The following TTC31 variants were observed in gnomAD, a reference collection of about 807,000 sequenced individuals.
TTC31 encodes tetratricopeptide repeat domain 31.
In TTC31, 59 loss-of-function variants were observed where a neutral mutation model predicts 60.4. The observed-to-expected ratio is 0.98, with a 90% confidence interval of 0.79 to 1.21. TTC31 has a LOEUF of 1.21. Ranked by LOEUF, TTC31 falls within the 50% of genes most tolerant of loss-of-function variation. The pLI is 0.00. For synonymous variants in TTC31, 225 were observed against 249.6 expected (o/e 0.90, Z 0.93); for missense variants, 672 against 646.9 (o/e 1.04, Z -0.42).
chr2:74,487,041 CAGTT>C (rs1400217260), intron 2 of TTC31, among the ~76,000 whole-genome samples: 1 of 152,166 alleles, frequency 6.6e-6, no homozygotes, highest in Non-Finnish European at 1.5e-5. Flanking sequence ...GATGGGAGCA[CAGTT>C]GGTATGTTGT....
chr2:74,491,723 G>A (rs1278728997), intron 8 of TTC31, 51 bp downstream of exon 8: 2 of 1,588,086 alleles, frequency 1.3e-6, no homozygotes, highest in East Asian at 2.3e-5. Flanking sequence ...AGGGGCACAA[G>A]GAGCTGCTGG....
chr2:74,489,021 A>T (rs1011319102), intron 2 of TTC31, among the ~76,000 whole-genome samples: 2 of 152,154 alleles, frequency 1.3e-5, no homozygotes, highest in African/African-American at 4.8e-5. Context: ...ATACCACTGC[A>T]CTCCAGCCTG....
At chr2:74,486,091 C>T (rs941569471) in intron 2 of TTC31, among the ~76,000 whole-genome samples, 38 of 152,062 alleles carry the variant, frequency 2.5e-4, no homozygotes, top group African/African-American at 8.0e-4. Context: ...CATGGTGAAA[C>T]ACCGTCTCTA....
Position 74,490,257 on chromosome 2 carries a change from C to A in TTC31, c.246C>A (p.Gly82=), listed in dbSNP as rs550062005. The stretch of plus-strand genomic sequence containing the variant: ...CCCTCCTGACAGATTACCTCCTGGG[C>A]CACTTGGATGATGAAGGGAAATCAA... ...LQLWHHDYLL[G]HLDDEGKSTG... Residue 82 remains glycine, a synonymous_variant, in exon 4 of 13, where the codon GGC becomes GGA. Coordinates refer to ENST00000233623, the MANE Select transcript of TTC31 (RefSeq NM_022492.6). 8 of 1,613,940 alleles carry A rather than the reference C, an allele frequency of 5.0e-6. No homozygotes were observed. The African/African-American group carries it at 1.1e-4, about 22-fold the overall frequency.
chr2:74,490,156 A>T (rs1367292077), intron 3 of TTC31, 29 bp downstream of exon 3: 3 of 1,608,552 alleles, frequency 1.9e-6, no homozygotes, highest in South Asian at 2.2e-5. Context: ...GGGCCCAGGG[A>T]TCGAGGCTGG....
intron 2 of TTC31, among the ~76,000 whole-genome samples, chr2:74,485,795 C>T (rs1008104089): frequency 1.3e-5 from 2 of 151,560 alleles, no homozygotes; most frequent in African/African-American, 2.4e-5. Flanking sequence ...GTACAGATTG[C>T]GTTTCTCCAT....
chr2:74,487,221 G>A (rs898547258), intron 2 of TTC31, among the ~76,000 whole-genome samples: 2 of 152,152 alleles, frequency 1.3e-5, no homozygotes, highest in African/African-American at 2.4e-5. Flanking sequence ...GGAAGTACCT[G>A]TTTGTTTGTT....
chr2:74,485,989 C>G (rs971517766), intron 2 of TTC31, among the ~76,000 whole-genome samples: 1 of 151,972 alleles, frequency 6.6e-6, no homozygotes, highest in African/African-American at 2.4e-5. Context: ...CACTCACGGC[C>G]AGGCGCAGTG....
chr2:74,492,923 A>G lies in TTC31; in HGVS notation c.1265A>G (p.Gln422Arg). ...LRSCLLHLTLQGQRGGICAPP... is the reference protein window; with the variant it reads ...LRSCLLHLTLRGQRGGICAPP... ...GTGCCCTTCTCTCTCCCTTCTCAGC[A>G]GGGTCAGCGAGGAGGAATCTGTGCA... Residue 422 changes from glutamine (Q) to arginine (R), a missense_variant and splice_region_variant, in exon 13 of 13, where the codon CAG (glutamine) becomes CGG (arginine). Coordinates refer to ENST00000233623, the MANE Select transcript of TTC31 (RefSeq NM_022492.6). 1.2e-6 allele frequency: 2 copies of G among 1,600,258 alleles called. No homozygotes were observed. Among genetic ancestry groups the G allele is most frequent in the African/African-American group, 2.7e-5 (2 of 74,820 alleles).
At position 74,490,709 on chromosome 2, in the gene TTC31, G is replaced by A; in HGVS notation, c.516G>A (p.Gln172=). The A allele has an allele frequency of 1.3e-6, 2 of 1,533,092 alleles. No individual in the cohort carries two copies. Among genetic ancestry groups the A allele is most frequent in the Non-Finnish European group, 1.8e-6 (2 of 1,130,802 alleles). 95.0% of individuals were successfully genotyped at this position (1,533,092 alleles called of 1,614,324 possible). Residue 172 remains glutamine (Q), a synonymous_variant, in exon 5 of 13, where the codon CAG becomes CAA. Transcript: ENST00000233623. ...ELVAEEERMK[Q]KAEKKRLKKK... ...TGGCTGAGGAGGAGCGCATGAAACA[G>A]AAAGCAGAGAAAAAGCGACTCAAGA...
chr2:74,488,773 A>G (rs1298535560), intron 2 of TTC31, among the ~76,000 whole-genome samples: 1 of 152,190 alleles, frequency 6.6e-6, no homozygotes, highest in East Asian at 1.9e-4. Flanking sequence ...GAAACAAACA[A>G]AAAATAGTCG....
At position 74,493,343 on chromosome 2, in the gene TTC31, G is replaced by A. The variant is rs755943519; in HGVS notation, c.*125G>A. ...TAGATCCATAGTTAATGATGCCCTG[G>A]CAGTCATTCCTCTTGCCATGGGGAA... On this transcript the variant is annotated 3_prime_UTR_variant, in exon 13 of 13. Transcript: ENST00000233623. 57 of 1,026,194 alleles carry A rather than the reference G, an allele frequency of 5.6e-5. No homozygotes were observed. Among genetic ancestry groups the A allele is most frequent in the Non-Finnish European group, 7.7e-5 (56 of 724,070 alleles). The allele number at this position is 1,026,194 out of a possible 1,614,324, so 63.6% of individuals were successfully genotyped here.
Position 74,490,006 on chromosome 2 carries a change from C to T in TTC31, c.130-19C>T, listed in dbSNP as rs753904257. 1 of 1,442,384 alleles carries T rather than the reference C, an allele frequency of 6.9e-7. No individual in the cohort carries two copies. The highest frequency in any genetic ancestry group is 9.5e-7 in the Non-Finnish European group (1 of 1,048,048). The allele number at this position is 1,442,384 out of a possible 1,614,324, so 89.3% of individuals were successfully genotyped here. On this transcript the variant is annotated intron_variant, in intron 2 of 12. Coordinates refer to ENST00000233623, the MANE Select transcript of TTC31 (RefSeq NM_022492.6). ...CTGCCCCCAACACCAGCCTCCCCTCCCCTCCCCTCCCCTCCCAGGACATAG... is the reference window on the plus strand; with the variant it reads ...CTGCCCCCAACACCAGCCTCCCCTCTCCTCCCCTCCCCTCCCAGGACATAG...
chr2:74,483,750 GAGGA>G (rs1672735501), intron 2 of TTC31: 3 of 491,024 alleles, frequency 6.1e-6, no homozygotes, highest in Non-Finnish European at 9.5e-6. Flanking sequence ...GCTGAGACGG[GAGGA>G]TTGCTTGAGC....
rs553899617 is a variant in TTC31, at chr2:74,490,653, C to T, written c.463-3C>T. 3.7e-5 allele frequency: 60 copies of T among 1,613,696 alleles called. No individual in the cohort carries two copies. The highest frequency in any genetic ancestry group is 3.1e-4 in the African/African-American group (23 of 74,996). On this transcript the variant is annotated splice_region_variant and splice_polypyrimidine_tract_variant and intron_variant, in intron 4 of 12. Transcript: ENST00000233623. ...TTTCTGTCACCTGCCCTTCGTCCTT[C>T]AGGAAGCCAATCGCCTGGCTGAGGA...
intron 5 of TTC31, 116 bp downstream of exon 5, chr2:74,490,855 C>G: frequency 8.9e-7 from 1 of 1,127,096 alleles, no homozygotes; most frequent in East Asian, 2.6e-5. Context: ...ACTCTCTTGC[C>G]AGGAGGACAC....
Position 74,483,374 on chromosome 2 carries a change from T to A in TTC31, c.93T>A (p.Leu31=). ...CPLEVAAAPK[L]CKEFGPEDYG... ...TGGAGGTCGCTGCTGCACCCAAACT[T>A]TGCAAGGAATTCGGTCCAGAGGATT... is the stretch of plus-strand genomic sequence containing the variant. Residue 31 remains leucine, a synonymous_variant, in exon 2 of 13, where the codon CTT becomes CTA. Coordinates refer to ENST00000233623, the MANE Select transcript of TTC31 (RefSeq NM_022492.6). 6.2e-7 allele frequency: 1 copy of A among 1,614,166 alleles called. No individual in the cohort carries two copies. The highest frequency in any genetic ancestry group is 8.5e-7 in the Non-Finnish European group (1 of 1,180,024).
At chr2:74,485,473 T>C (rs1572944725) in intron 2 of TTC31, among the ~76,000 whole-genome samples, 1 of 148,140 alleles carries the variant, frequency 6.8e-6, no homozygotes, top group Admixed American at 6.7e-5. Flanking sequence ...GTATTTCTTT[T>C]TTTTTTTTTT....
chr2:74,490,187 T>G (rs1398419371), intron 3 of TTC31, 57 bp from the exon 4 acceptor site: 1 of 1,611,080 alleles, frequency 6.2e-7, no homozygotes, highest in East Asian at 2.2e-5. Context: ...GGGCTGACCC[T>G]CAGATGCACC....
Sources: gnomAD v4.1 joint callset for allele counts (sites outside exome capture counted in the v4.1 genomes callset) on GRCh38, gnomAD v4.1.1 for gene constraint, MANE v1.5 for transcripts, NCBI Gene and HGNC (gene_info 2026-07-23, HGNC 2026-07-21) for gene names.